PTPRD: variants seen among roughly 807,000 people sequenced by gnomAD.
The protein encoded by PTPRD is receptor-type tyrosine-protein phosphatase delta.
A neutral mutation model predicts 214.5 loss-of-function variants in PTPRD; 34 were observed. That is an observed-to-expected ratio of 0.16 (90% CI 0.12 to 0.21). The LOEUF (loss-of-function observed/expected upper bound fraction) is 0.21. Among genes scored for constraint, PTPRD ranks in the 10% least tolerant of loss-of-function variants. The pLI is 1.00. For missense variants in PTPRD, 2,545 were observed against 2,398.7 expected (o/e 1.06, Z -1.27); for synonymous variants, 1,128 against 845.7 (o/e 1.33, Z -5.79).
At chr9:9,743,215 A>G (rs956914413) in intron 6 of PTPRD, among the ~76,000 whole-genome samples, 2 of 152,184 alleles carry the variant, frequency 1.3e-5, no homozygotes, top group Non-Finnish European at 2.9e-5. Flanking sequence ...TTTTATATAA[A>G]TGTAAAGTCA....
chr9:9,814,009 A>C (rs1204472744), intron 5 of PTPRD, among the ~76,000 whole-genome samples: 1 of 152,152 alleles, frequency 6.6e-6, no homozygotes, highest in African/African-American at 2.4e-5. Context: ...GCAAGTCAAT[A>C]AGTTTTGTAC....
intron 11 of PTPRD, among the ~76,000 whole-genome samples, chr9:8,817,176 T>C (rs1488883352): frequency 6.6e-6 from 1 of 152,226 alleles, no homozygotes; most frequent in Non-Finnish European, 1.5e-5. Flanking sequence ...TTCTATGACA[T>C]TTCTCATGCT....
At chr9:9,366,675 T>A (rs1431377983) in intron 9 of PTPRD, among the ~76,000 whole-genome samples, 1 of 151,492 alleles carries the variant, frequency 6.6e-6, no homozygotes, top group East Asian at 1.9e-4. Context: ...ATTTCTTATT[T>A]GACACTGATT....
intron 3 of PTPRD, among the ~76,000 whole-genome samples, chr9:10,102,706 A>G (rs1047382339): frequency 6.6e-6 from 1 of 151,584 alleles, no homozygotes; most frequent in South Asian, 2.1e-4. Flanking sequence ...ACTTTTGCCA[A>G]TTCACTCTGA....
chr9:9,511,300 A>C (rs2096703014), intron 8 of PTPRD, among the ~76,000 whole-genome samples: 1 of 151,810 alleles, frequency 6.6e-6, no homozygotes, highest in African/African-American at 2.4e-5. Flanking sequence ...AATTGGTAAC[A>C]TGCAATGCAA....
intron 10 of PTPRD, among the ~76,000 whole-genome samples, chr9:9,154,307 G>A (rs943372059): frequency 2.6e-5 from 4 of 152,144 alleles, no homozygotes; most frequent in East Asian, 1.9e-4. Context: ...AAAATACCAC[G>A]GAGTTGGTGG....
chr9:8,622,270 G>A (rs1324763264), intron 14 of PTPRD, among the ~76,000 whole-genome samples: 2 of 151,844 alleles, frequency 1.3e-5, no homozygotes, highest in African/African-American at 4.8e-5. Context: ...TCCTACAAAT[G>A]AAATACAATT....
rs1027790966 is a variant in PTPRD, at chr9:8,692,560, G to A, written c.64+41220C>T. On this transcript the variant is annotated intron_variant, in intron 12 of 45. Transcript: ENST00000381196. ...ATAAAGAACGTATTAGTGAACACTA[G>A]CAATCTCTACCATAGGAAAGCTACT... Among the ~76,000 whole-genome samples, 93 of 152,242 alleles carry A rather than the reference G, an allele frequency of 6.1e-4. 1 individual carries two copies. Among genetic ancestry groups the A allele is most frequent in the African/African-American group, 2.2e-3 (90 of 41,542 alleles).
chr9:10,012,063 T>C (rs1374093468), intron 4 of PTPRD, among the ~76,000 whole-genome samples: 2 of 152,014 alleles, frequency 1.3e-5, no homozygotes, highest in Non-Finnish European at 2.9e-5. Flanking sequence ...TAGGTATAAC[T>C]ATTTGTGAAA....
chr9:10,539,250 T>A (rs770878898), intron 2 of PTPRD, among the ~76,000 whole-genome samples: 5 of 152,160 alleles, frequency 3.3e-5, no homozygotes, highest in Non-Finnish European at 7.4e-5. Flanking sequence ...AGTGGTGTGA[T>A]CTCAGCTCAC....
intron 2 of PTPRD, among the ~76,000 whole-genome samples, chr9:10,497,007 T>A (rs1411196055): frequency 6.6e-6 from 1 of 152,028 alleles, no homozygotes; most frequent in Non-Finnish European, 1.5e-5. Context: ...CCAACATGGA[T>A]GCAGATGGTG....
chr9:8,666,788 G>GC (rs1166598504), intron 12 of PTPRD, among the ~76,000 whole-genome samples: 1 of 152,074 alleles, frequency 6.6e-6, no homozygotes, highest in Non-Finnish European at 1.5e-5. Context: ...GAACATAACT[G>GC]CCCCCTCGAG....
At chr9:9,919,614 G>T (rs1263979111) in intron 5 of PTPRD, among the ~76,000 whole-genome samples, 1 of 152,150 alleles carries the variant, frequency 6.6e-6, no homozygotes, top group African/African-American at 2.4e-5. Context: ...GAATGCAGCA[G>T]ATGGAAATGG....
chr9:8,954,749 G>A (rs961964221), intron 11 of PTPRD, among the ~76,000 whole-genome samples: 2 of 151,784 alleles, frequency 1.3e-5, no homozygotes, highest in African/African-American at 4.8e-5. Flanking sequence ...TTAGATACAT[G>A]ATCATGGTTT....
At chr9:9,751,302 G>C (rs981462774) in intron 6 of PTPRD, among the ~76,000 whole-genome samples, 1 of 152,064 alleles carries the variant, frequency 6.6e-6, no homozygotes, top group African/African-American at 2.4e-5. Context: ...CTCAAAGCTT[G>C]GAGACACTAA....
At chr9:8,584,421 T>C (rs960209399) in intron 14 of PTPRD, among the ~76,000 whole-genome samples, 4 of 151,594 alleles carry the variant, frequency 2.6e-5, no homozygotes, top group African/African-American at 7.3e-5. Flanking sequence ...GTGTAGTACA[T>C]ATTGGTATTG....
At position 9,021,833 on chromosome 9, in the gene PTPRD, G is replaced by T. The variant is rs570011298; in HGVS notation, c.-142-3098C>A. ...TAATACAAAGAAATATTTTTGTACA[G>T]CTGTACAATGTGTGCTTTAAGCTAA... is the stretch of plus-strand genomic sequence containing the variant. On this transcript the variant is annotated intron_variant, in intron 10 of 45. Coordinates refer to ENST00000381196, the MANE Select transcript of PTPRD (RefSeq NM_002839.4). Among the ~76,000 whole-genome samples, 4 of 152,216 alleles carry T rather than the reference G, an allele frequency of 2.6e-5. 1 individual carries two copies. In the South Asian group the frequency reaches 8.3e-4, roughly 32 times the overall value.
intron 3 of PTPRD, among the ~76,000 whole-genome samples, chr9:10,158,686 G>C (rs1175205594): frequency 6.6e-6 from 1 of 152,008 alleles, no homozygotes; most frequent in East Asian, 1.9e-4. Flanking sequence ...TCATATCCAC[G>C]ATGCCTCCTC....
At chr9:8,925,931 T>C (rs2098886460) in intron 11 of PTPRD, among the ~76,000 whole-genome samples, 1 of 151,176 alleles carries the variant, frequency 6.6e-6, no homozygotes, top group Non-Finnish European at 1.5e-5. Context: ...TTTTCCATTC[T>C]ATTGAGTTAA....
Sources: gnomAD v4.1 joint callset for allele counts (sites outside exome capture counted in the v4.1 genomes callset) on GRCh38, gnomAD v4.1.1 for gene constraint, MANE v1.5 for transcripts, NCBI Gene and HGNC (gene_info 2026-07-23, HGNC 2026-07-21) for gene names.